STK10: variants seen among roughly 807,000 people sequenced by gnomAD.
STK10 encodes serine/threonine kinase 10.
Under a neutral mutation model 113.8 loss-of-function variants are expected in STK10, and 78 were observed. The ratio of observed to expected loss-of-function variants is 0.69; its 90% CI spans 0.57 to 0.83. The LOEUF (loss-of-function observed/expected upper bound fraction) is 0.83. STK10 is among the 40% of genes least tolerant of loss of function. STK10 has a pLI of 0.00. For synonymous variants in STK10, 465 were observed against 494.7 expected (o/e 0.94, Z 0.80); for missense variants, 1,109 against 1,280.1 (o/e 0.87, Z 2.04).
At chr5:172,152,793 T>G (rs10223207) in intron 2 of STK10, among the ~76,000 whole-genome samples, 16,548 of 152,212 alleles carry the variant, frequency 0.11, 1,040 homozygotes, top group African/African-American at 0.16. Context: ...CTCCCAAATT[T>G]AGATGTGTTA....
intron 12 of STK10, among the ~76,000 whole-genome samples, chr5:172,078,919 G>A (rs897611358): frequency 3.3e-5 from 5 of 150,084 alleles, no homozygotes; most frequent in Admixed American, 1.3e-4. Flanking sequence ...TTCCTCTGTC[G>A]CCTCCTCTCT....
At chr5:172,176,548 A>G (rs913287167) in intron 1 of STK10, among the ~76,000 whole-genome samples, 10 of 152,108 alleles carry the variant, frequency 6.6e-5, no homozygotes, top group Non-Finnish European at 1.5e-4. Flanking sequence ...GCAGCCAGGA[A>G]TCCTGGCTCT....
At chr5:172,053,297 G>A (rs1239015295) in intron 17 of STK10, 4 of 410,694 alleles carry the variant, frequency 9.7e-6, no homozygotes, top group Non-Finnish European at 1.8e-5. Flanking sequence ...GCAACTTTCT[G>A]TGAGGATACA....
chr5:172,049,377 C>A (rs1390087188), intron 18 of STK10, among the ~76,000 whole-genome samples: 1 of 152,104 alleles, frequency 6.6e-6, no homozygotes, highest in African/African-American at 2.4e-5. Context: ...CTGAATAATG[C>A]AGACAAACAG....
intron 17 of STK10, among the ~76,000 whole-genome samples, chr5:172,053,641 G>C (rs533039301): frequency 6.6e-6 from 1 of 152,366 alleles, no homozygotes; most frequent in South Asian, 2.1e-4. Flanking sequence ...ATTTCTTGCA[G>C]GGAATCAGTC....
intron 4 of STK10, among the ~76,000 whole-genome samples, chr5:172,113,948 G>C (rs1315549754): frequency 6.6e-6 from 1 of 151,796 alleles, no homozygotes; most frequent in Non-Finnish European, 1.5e-5. Flanking sequence ...TATTTACTGA[G>C]AACTTACCAT....
intron 13 of STK10, 70 bp from the exon 14 acceptor site, chr5:172,061,338 T>C: frequency 6.6e-6 from 10 of 1,518,366 alleles, no homozygotes; most frequent in Non-Finnish European, 8.8e-6. Context: ...CTTCCTATTA[T>C]GGGAGAAAAG....
intron 2 of STK10, among the ~76,000 whole-genome samples, chr5:172,147,336 G>A (rs1380908662): frequency 1.3e-5 from 2 of 150,972 alleles, no homozygotes; most frequent in African/African-American, 4.9e-5. Context: ...AGACGTGATT[G>A]GAAAAAAAAG....
At chr5:172,178,216 T>C (rs1315645155) in intron 1 of STK10, among the ~76,000 whole-genome samples, 1 of 152,098 alleles carries the variant, frequency 6.6e-6, no homozygotes, top group Non-Finnish European at 1.5e-5. Flanking sequence ...GGCAATCAAG[T>C]CAAATTTGGT....
rs777800172 is a variant in STK10, at chr5:172,117,463, C to T, written c.520+18G>A. The T allele has an allele frequency of 1.9e-6, 3 of 1,608,868 alleles. No homozygotes were observed. Among genetic ancestry groups the T allele is most frequent in the Non-Finnish European group, 2.5e-6 (3 of 1,179,832 alleles). ...CAGACACCCTGTGGCTCCACCTTTCCCACCCTGAGCCCCTTACCCAGCCTG... is the reference window on the plus strand; with the variant it reads ...CAGACACCCTGTGGCTCCACCTTTCTCACCCTGAGCCCCTTACCCAGCCTG... On this transcript the variant is annotated intron_variant, in intron 4 of 18. Transcript: ENST00000176763.
chr5:172,047,758 T>C (rs1767522145), intron 18 of STK10, among the ~76,000 whole-genome samples: 1 of 152,182 alleles, frequency 6.6e-6, no homozygotes, highest in Non-Finnish European at 1.5e-5. Context: ...TAAGAGTAAC[T>C]TGGGCAGTTC....
chr5:172,162,141 G>A (rs1363948008), intron 1 of STK10, among the ~76,000 whole-genome samples: 1 of 152,038 alleles, frequency 6.6e-6, no homozygotes, highest in African/African-American at 2.4e-5. Flanking sequence ...AAGGGTTGGG[G>A]ACCAGCCTGA....
At chr5:172,105,789 A>T in intron 6 of STK10, 52 bp from the exon 7 acceptor site, 1 of 1,533,006 alleles carries the variant, frequency 6.5e-7, no homozygotes, top group Non-Finnish European at 9.0e-7. Flanking sequence ...AGCAGAGAGA[A>T]GCCCCCCACG....
At chr5:172,072,610 G>T (rs1312711076) in intron 12 of STK10, among the ~76,000 whole-genome samples, 3 of 152,112 alleles carry the variant, frequency 2.0e-5, no homozygotes, top group Non-Finnish European at 4.4e-5. Flanking sequence ...TCTGTATAAA[G>T]AGACTTTCTT....
chr5:172,174,098 G>T (rs563164376), intron 1 of STK10, among the ~76,000 whole-genome samples: 1 of 152,222 alleles, frequency 6.6e-6, no homozygotes, highest in African/African-American at 2.4e-5. Context: ...TGTCCAGGGA[G>T]AGGCAACAAG....
chr5:172,079,661 G>A (rs1458933188), intron 12 of STK10, among the ~76,000 whole-genome samples: 1 of 151,864 alleles, frequency 6.6e-6, no homozygotes, highest in African/African-American at 2.4e-5. Flanking sequence ...TCCTGGGTTC[G>A]AGCAGTTCTC....
intron 7 of STK10, among the ~76,000 whole-genome samples, chr5:172,104,392 G>C (rs1048089019): frequency 6.6e-6 from 1 of 151,292 alleles, no homozygotes; most frequent in African/African-American, 2.4e-5. Context: ...GCCCTAACTC[G>C]AGGCATGGGC....
intron 4 of STK10, among the ~76,000 whole-genome samples, chr5:172,110,473 G>A (rs911776175): frequency 6.6e-6 from 1 of 152,216 alleles, no homozygotes; most frequent in African/African-American, 2.4e-5. Context: ...CAGCGAGAAG[G>A]GCCCAGGGCT....
rs190074541 is a variant in STK10 at position 172,068,580 on chromosome 5, T to C, written c.1990-3768A>G. Among the ~76,000 whole-genome samples the C allele has an allele frequency of 2.4e-3, 362 of 152,320 alleles. 4 individuals carry two copies. The highest frequency in any genetic ancestry group is 8.3e-3 in the African/African-American group (344 of 41,574). ...ATAAACATAATCAACACTTTTTCCC[T>C]TAAGATCTTTAAAATCTCAATGACC... is the stretch of plus-strand genomic sequence containing the variant. On this transcript the variant is annotated intron_variant, in intron 12 of 18. Transcript: ENST00000176763.
Sources: allele counts gnomAD v4.1 joint callset (sites outside exome capture counted in the v4.1 genomes callset), GRCh38; gene constraint gnomAD v4.1.1; transcripts MANE v1.5; gene names NCBI Gene and HGNC (gene_info 2026-07-23, HGNC 2026-07-21).